BCAS3: variants seen among roughly 807,000 people sequenced by gnomAD.
BCAS3 encodes the protein BCAS3 microtubule associated cell migration factor.
BCAS3 carries 53 observed loss-of-function variants against 116.1 expected under a neutral mutation model. The ratio of observed to expected loss-of-function variants is 0.46; its 90% confidence interval spans 0.37 to 0.57. The LOEUF (loss-of-function observed/expected upper bound fraction) is 0.57. BCAS3 is among the 20% of genes least tolerant of loss of function. BCAS3 has a pLI of 0.00. For missense variants in BCAS3, 917 were observed against 1,165.4 expected (o/e 0.79, Z 3.10); for synonymous variants, 391 against 408.2 (o/e 0.96, Z 0.51).
chr17:60,935,495 CTTT>C (rs1001681069), intron 13 of BCAS3, among the ~76,000 whole-genome samples: 1 of 152,036 alleles, frequency 6.6e-6, no homozygotes, highest in East Asian at 1.9e-4. Flanking sequence ...ACCCAGTCAT[CTTT>C]TTTATGGATC....
chr17:60,710,991 CAG>C (rs951544459), intron 5 of BCAS3, among the ~76,000 whole-genome samples: 1 of 151,748 alleles, frequency 6.6e-6, no homozygotes, highest in African/African-American at 2.4e-5. Flanking sequence ...TTAATGGAGA[CAG>C]GGTCCTACTG....
intron 6 of BCAS3, among the ~76,000 whole-genome samples, chr17:60,796,524 G>C (rs1302207846): frequency 4.6e-5 from 7 of 152,158 alleles, no homozygotes; most frequent in Non-Finnish European, 8.8e-5. Context: ...GGTGTTCATA[G>C]TAGTCTTGGA....
chr17:60,840,379 T>G (rs933280191), intron 7 of BCAS3, among the ~76,000 whole-genome samples: 1 of 152,160 alleles, frequency 6.6e-6, no homozygotes, highest in Non-Finnish European at 1.5e-5. Context: ...TTTAAAAAGC[T>G]GAAGTATTCA....
chr17:60,838,593 G>C (rs2051585288), intron 7 of BCAS3, among the ~76,000 whole-genome samples: 1 of 151,772 alleles, frequency 6.6e-6, no homozygotes, highest in African/African-American at 2.4e-5. Flanking sequence ...AATATTTTAG[G>C]TTCATTGGAT....
intron 22 of BCAS3, among the ~76,000 whole-genome samples, chr17:61,153,576 G>A (rs1233221499): frequency 6.6e-6 from 1 of 152,176 alleles, no homozygotes; most frequent in Non-Finnish European, 1.5e-5. Flanking sequence ...AGAGAAGTTA[G>A]CTTGTTACTT....
intron 6 of BCAS3, among the ~76,000 whole-genome samples, chr17:60,768,896 C>T (rs1187359579): frequency 6.6e-6 from 1 of 152,128 alleles, no homozygotes. Flanking sequence ...TTCTCAGGCC[C>T]CTGGACAGCT....
chr17:60,770,844 T>TG (rs2044617860), intron 6 of BCAS3, among the ~76,000 whole-genome samples: 1 of 71,930 alleles, frequency 1.4e-5, no homozygotes. Context: ...GTTTTTTTTT[T>TG]TTTTTTTTTT....
intron 13 of BCAS3, among the ~76,000 whole-genome samples, chr17:60,927,307 G>C (rs919229083): frequency 4.0e-5 from 6 of 151,254 alleles, no homozygotes; most frequent in South Asian, 2.1e-4. Context: ...CCAGGCTGGA[G>C]TGCAGTGGCA....
rs1322313679 is a variant in BCAS3, at chr17:61,073,374, T to G, written c.2030-1546T>G. On this transcript the variant is annotated intron_variant, in intron 19 of 23. Transcript: ENST00000407086. This position sits in a 1 kb window ranked among gnomAD's most constrained non-coding sequence, Gnocchi z 4.6. ...TAGCATTTCTCCTCTTGCAGCAAGT[T>G]AAGATAAGCTTTTTGTGAGTCTGTG... Among the ~76,000 whole-genome samples, 1 of 152,236 alleles carries G rather than the reference T, an allele frequency of 6.6e-6. No individual in the cohort carries two copies. The highest frequency in any genetic ancestry group is 1.5e-5 in the Non-Finnish European group (1 of 68,042).
At chr17:60,922,205 C>A (rs1447079637) in intron 12 of BCAS3, among the ~76,000 whole-genome samples, 1 of 152,134 alleles carries the variant, frequency 6.6e-6, no homozygotes, top group Non-Finnish European at 1.5e-5. Flanking sequence ...CAGCTCACTG[C>A]AACCTCCGCC....
chr17:61,321,077 C>G (rs2055172922), intron 22 of BCAS3, among the ~76,000 whole-genome samples: 1 of 152,182 alleles, frequency 6.6e-6, no homozygotes, highest in African/African-American at 2.4e-5. Context: ...AAAGCTGAGA[C>G]TAGAACTCAT....
intron 7 of BCAS3, among the ~76,000 whole-genome samples, chr17:60,829,420 G>C (rs1010769357): frequency 3.3e-5 from 5 of 151,694 alleles, no homozygotes; most frequent in Non-Finnish European, 5.9e-5. Flanking sequence ...CTTGAACCCA[G>C]GAGGCAGAGG....
In BCAS3 at chr17:61,017,572, T is replaced by C. The variant is rs1242596163; in HGVS notation, c.1637+1671T>C. 2.0e-5 allele frequency among the ~76,000 whole-genome samples: 3 copies of C among 152,232 alleles called. No individual in the cohort carries two copies. Among genetic ancestry groups the C allele is most frequent in the African/African-American group, 7.2e-5 (3 of 41,460 alleles). On this transcript the variant is annotated intron_variant, in intron 16 of 23. Coordinates refer to ENST00000407086, the MANE Select transcript of BCAS3 (RefSeq NM_017679.5). This position sits in a 1 kb window ranked among gnomAD's most constrained non-coding sequence, Gnocchi z 4.7. ...GTGCTTTGTTTCTGGTGCGTGTTTA[T>C]TTAATTTTAACATAAGAGCTGTCCT...
At position 61,078,520 on chromosome 17, in the gene BCAS3, A is replaced by G; in HGVS notation, c.2318A>G (p.Asn773Ser). The G allele has an allele frequency of 6.2e-7, 1 of 1,613,276 alleles. No homozygotes were observed. Among genetic ancestry groups the G allele is most frequent in the Non-Finnish European group, 8.5e-7 (1 of 1,179,400 alleles). ...LDFDTDDLDL[N>S]SLRIQPVRSD... ...TTTGATACAGATGATCTTGATCTCA[A>G]CAGTCTCAGGTAGGAAATGAGAATT... Residue 773 changes from asparagine (N) to serine (S), a missense_variant, in exon 21 of 24, where the codon AAC (asparagine) becomes AGC (serine). This residue lies in a region of BCAS3 where 807 missense variants were observed against 1,026.0 expected (regional missense o/e 0.79). Transcript: ENST00000407086.
chr17:61,198,614 T>C lies in BCAS3; in HGVS notation c.2425+114050T>C, dbSNP rs2080638521. On this transcript the variant is annotated intron_variant, in intron 22 of 23. Transcript: ENST00000407086. This position sits in a 1 kb window ranked among gnomAD's most constrained non-coding sequence, Gnocchi z 5.0. ...CAAACATGTTTTTGACACATTGTTA[T>C]TGCTATTCCTGCGGTCTTTGATTCT... is the stretch of plus-strand genomic sequence containing the variant. Among the ~76,000 whole-genome samples the C allele has an allele frequency of 6.6e-6, 1 of 152,240 alleles. No homozygotes were observed. The highest frequency in any genetic ancestry group is 1.5e-5 in the Non-Finnish European group (1 of 68,044).
intron 22 of BCAS3, among the ~76,000 whole-genome samples, chr17:61,117,127 A>G (rs1403826499): frequency 7.9e-5 from 12 of 152,198 alleles, no homozygotes; most frequent in Admixed American, 7.2e-4. Context: ...AGGGATAGAA[A>G]TGCTACATAT....
chr17:60,910,303 A>G (rs559117812), intron 11 of BCAS3, among the ~76,000 whole-genome samples: 21 of 152,336 alleles, frequency 1.4e-4, no homozygotes, highest in African/African-American at 5.0e-4. Context: ...TATGCCTGCC[A>G]TGGTGACTTT....
chr17:61,135,398 TC>T (rs1228915208), intron 22 of BCAS3, among the ~76,000 whole-genome samples: 1 of 152,216 alleles, frequency 6.6e-6, no homozygotes, highest in African/African-American at 2.4e-5. Context: ...AGCTTTTTAT[TC>T]CTTTGAATTA....
chr17:61,350,903 G>A (rs1317921098), intron 22 of BCAS3, among the ~76,000 whole-genome samples: 4 of 152,258 alleles, frequency 2.6e-5, no homozygotes, highest in African/African-American at 7.2e-5. Flanking sequence ...CAAAGTGCTA[G>A]GATTGCAGGT....
Sources: gnomAD v4.1 joint callset for allele counts (sites outside exome capture counted in the v4.1 genomes callset) on GRCh38, gnomAD v4.1.1 for gene constraint, gnomAD v4.1.1 regional missense constraint, Gnocchi (gnomAD v3.1) non-coding constraint, MANE v1.5 for transcripts, NCBI Gene and HGNC (gene_info 2026-07-23, HGNC 2026-07-21) for gene names.